Variants in ENOX1 observed in about 807,000 individuals in gnomAD.
ENOX1 encodes ecto-NOX disulfide-thiol exchanger 1.
A neutral mutation model predicts 82.5 loss-of-function variants in ENOX1; 42 were observed. The ratio of observed to expected loss-of-function variants is 0.51; its 90% CI spans 0.40 to 0.66. The LOEUF (loss-of-function observed/expected upper bound fraction) is 0.66. ENOX1 is among the 30% of genes least tolerant of loss of function. The pLI, the probability that ENOX1 is intolerant of heterozygous loss-of-function variation, is 0.00. For synonymous variants in ENOX1, 271 were observed against 282.2 expected, an observed-to-expected ratio of 0.96 and a Z score of 0.40; for missense variants, 608 against 811.6, an observed-to-expected ratio of 0.75 and a Z score of 3.05.
chr13:43,638,712 T>C (rs1480108159), intron 2 of ENOX1, among the ~76,000 whole-genome samples: 1 of 152,220 alleles, frequency 6.6e-6, no homozygotes, highest in Non-Finnish European at 1.5e-5. Flanking sequence ...TGTGTGTTAA[T>C]GCATGTGTTT....
intron 2 of ENOX1, among the ~76,000 whole-genome samples, chr13:43,515,770 T>C (rs972690073): frequency 1.3e-5 from 2 of 152,170 alleles, no homozygotes; most frequent in Non-Finnish European, 2.9e-5. Flanking sequence ...CGTGGAAATC[T>C]TTGCTCTGAG....
intron 1 of ENOX1, among the ~76,000 whole-genome samples, chr13:43,764,555 G>T (rs1050807026): frequency 1.3e-5 from 2 of 151,994 alleles, no homozygotes; most frequent in Admixed American, 6.5e-5. Context: ...ATTTGAAAGG[G>T]GATTGTGTAA....
chr13:43,688,329 T>C (rs1227554555), intron 1 of ENOX1, among the ~76,000 whole-genome samples: 1 of 152,116 alleles, frequency 6.6e-6, no homozygotes, highest in Non-Finnish European at 1.5e-5. Flanking sequence ...ATTTCAGTAG[T>C]CCAGATGAAG....
chr13:43,445,332 C>T (rs1366308214), intron 3 of ENOX1, among the ~76,000 whole-genome samples: 2 of 151,984 alleles, frequency 1.3e-5, no homozygotes, highest in East Asian at 1.9e-4. Context: ...ACCGTGTTAG[C>T]CAGGATGGTC....
At chr13:43,551,537 C>T (rs1015645945) in intron 2 of ENOX1, among the ~76,000 whole-genome samples, 3 of 152,116 alleles carry the variant, frequency 2.0e-5, no homozygotes, top group African/African-American at 7.2e-5. Context: ...CATTTTTATA[C>T]ACCAAAAACT....
intron 2 of ENOX1, among the ~76,000 whole-genome samples, chr13:43,539,548 A>G (rs957393743): frequency 2.6e-5 from 4 of 152,136 alleles, no homozygotes; most frequent in Admixed American, 1.3e-4. Context: ...TCAACTTTTA[A>G]TTATTTATAA....
At chr13:43,295,646 G>A (rs967052386) in intron 12 of ENOX1, among the ~76,000 whole-genome samples, 1 of 152,056 alleles carries the variant, frequency 6.6e-6, no homozygotes, top group Non-Finnish European at 1.5e-5. Flanking sequence ...GGTGACATAT[G>A]GGAGGCTGAC....
In ENOX1 at chr13:43,614,140, C is replaced by T. The variant is rs80014556; in HGVS notation, c.-219+53339G>A. ...GGAATAGCATTTATTGGAAATCAGC[C>T]TCTCAACAGTCCTCACCCATCAGGA... On this transcript the variant is annotated intron_variant, in intron 2 of 16. Transcript: ENST00000690772. 1.3e-3 allele frequency among the ~76,000 whole-genome samples: 200 copies of T among 152,264 alleles called. 3 individuals are homozygous for T. In the East Asian group the frequency reaches 0.026, roughly 20 times the overall value.
chr13:43,379,513 G>A (rs2051881905), intron 5 of ENOX1, among the ~76,000 whole-genome samples: 1 of 152,028 alleles, frequency 6.6e-6, no homozygotes, highest in Admixed American at 6.6e-5. Context: ...GGGATGAGAA[G>A]TACAATGTAT....
chr13:43,360,128 TA>T (rs1174379301), intron 6 of ENOX1, 71 bp from the exon 7 acceptor site: 3 of 1,408,362 alleles, frequency 2.1e-6, no homozygotes, highest in Non-Finnish European at 3.0e-6. Flanking sequence ...CTGGCAAAAC[TA>T]AAGCTTGCAG....
At chr13:43,399,332 G>A (rs112342755) in intron 5 of ENOX1, among the ~76,000 whole-genome samples, 1 of 152,158 alleles carries the variant, frequency 6.6e-6, no homozygotes, top group Non-Finnish European at 1.5e-5. Flanking sequence ...CAGCTATAGT[G>A]TCACAGAGCT....
At chr13:43,754,258 CATAT>C (rs997471420) in intron 1 of ENOX1, among the ~76,000 whole-genome samples, 1 of 146,580 alleles carries the variant, frequency 6.8e-6, no homozygotes, top group East Asian at 2.0e-4. Flanking sequence ...CACATATATA[CATAT>C]ATACACACAC....
intron 1 of ENOX1, among the ~76,000 whole-genome samples, chr13:43,721,421 C>T (rs1450611382): frequency 7.1e-6 from 1 of 140,392 alleles, no homozygotes; most frequent in Non-Finnish European, 1.5e-5. Context: ...CTCTGTCGCC[C>T]AGGCTGGAGT....
intron 1 of ENOX1, among the ~76,000 whole-genome samples, chr13:43,777,630 C>T (rs1219730554): frequency 6.6e-6 from 1 of 151,664 alleles, no homozygotes; most frequent in East Asian, 1.9e-4. Context: ...GCAACCTCCA[C>T]CTCCCGGGTT....
At chr13:43,741,543 G>A (rs1377243605) in intron 1 of ENOX1, among the ~76,000 whole-genome samples, 2 of 152,118 alleles carry the variant, frequency 1.3e-5, no homozygotes, top group African/African-American at 2.4e-5. Context: ...ACCTTTTCAT[G>A]TGCTTTTTGA....
chr13:43,594,606 T>C (rs955707962), intron 2 of ENOX1, among the ~76,000 whole-genome samples: 2 of 152,282 alleles, frequency 1.3e-5, no homozygotes, highest in East Asian at 1.9e-4. Context: ...CTCCCTTTAT[T>C]ATCTCACTGA....
intron 2 of ENOX1, among the ~76,000 whole-genome samples, chr13:43,632,773 T>C (rs2083272898): frequency 6.6e-6 from 1 of 152,176 alleles, no homozygotes; most frequent in Non-Finnish European, 1.5e-5. Flanking sequence ...AATTGTTTTA[T>C]TATAATTTTA....
chr13:43,763,513 A>T (rs1171058805), intron 1 of ENOX1, among the ~76,000 whole-genome samples: 1 of 152,132 alleles, frequency 6.6e-6, no homozygotes, highest in African/African-American at 2.4e-5. Context: ...AAACATCCCA[A>T]ATGACATCAT....
At chr13:43,409,425 A>G (rs1177344711) in intron 5 of ENOX1, among the ~76,000 whole-genome samples, 1 of 152,212 alleles carries the variant, frequency 6.6e-6, no homozygotes, top group African/African-American at 2.4e-5. Context: ...TAAAAAAAGC[A>G]GAAAGGAGAA....
Sources: allele counts gnomAD v4.1 joint callset (sites outside exome capture counted in the v4.1 genomes callset), GRCh38; gene constraint gnomAD v4.1.1; transcripts MANE v1.5; gene names NCBI Gene and HGNC (gene_info 2026-07-23, HGNC 2026-07-21).